The following SUPT6H variants were observed in gnomAD, a reference collection of about 807,000 sequenced individuals.
SUPT6H encodes transcription elongation factor SPT6.
SUPT6H carries 11 observed loss-of-function variants against 222.3 expected under a neutral mutation model. That is an observed-to-expected ratio of 0.05 (90% CI 0.03 to 0.08). SUPT6H has a LOEUF of 0.08. Ranked by LOEUF, SUPT6H falls within the 10% of genes least tolerant of loss-of-function variation. The probability of loss-of-function intolerance (pLI) is 1.00; values close to 1 mark genes in which losing one functional copy is unlikely to be tolerated. For synonymous variants in SUPT6H, 762 were observed against 801.2 expected (o/e 0.95, Z 0.83); for missense variants, 1,422 against 2,216.0 (o/e 0.64, Z 7.19).
At chr17:28,673,722 T>G in intron 2 of SUPT6H, 1 of 536,788 alleles carries the variant, frequency 1.9e-6, no homozygotes, top group South Asian at 2.4e-5. Context: ...ACAATAAATA[T>G]CCAGCTATTG....
rs898908177 is a variant in SUPT6H at position 28,686,787 on chromosome 17, G to A, written c.2698G>A (p.Glu900Lys). Reference protein sequence around the residue: ...AILYMNSKKSEAEFRDYPPVL... With the variant: ...AILYMNSKKSKAEFRDYPPVL... ...TCTCTATATGAACAGCAAGAAGTCAGAGGTAATGCTGGAGCCTCACCCTTA... is the reference window on the plus strand; with the variant it reads ...TCTCTATATGAACAGCAAGAAGTCAAAGGTAATGCTGGAGCCTCACCCTTA... Residue 900 changes from glutamate to lysine, a missense_variant and splice_region_variant, in exon 21 of 37, where the codon GAG (glutamate) becomes AAG (lysine). By Grantham distance (56) the Glu-to-Lys change is moderately conservative (BLOSUM62 1). Around this residue, in one of 13 missense-constraint regions of SUPT6H, gnomAD observed 294 missense variants for 382.1 expected, o/e 0.77. Coordinates refer to ENST00000314616, the MANE Select transcript of SUPT6H (RefSeq NM_003170.5). 2 of 1,598,924 alleles carry A rather than the reference G, an allele frequency of 1.3e-6. No individual in the cohort carries two copies. Among genetic ancestry groups the A allele is most frequent in the Admixed American group, 3.5e-5 (2 of 56,612 alleles).
chr17:28,698,152 TAGAAC>T, intron 32 of SUPT6H, 122 bp downstream of exon 32: 1 of 1,331,636 alleles, frequency 7.5e-7, no homozygotes, highest in Non-Finnish European at 1.0e-6. Flanking sequence ...CTCATCTGTT[TAGAAC>T]AGAGGTGGAG....
chr17:28,675,695 T>G (rs1357585679), intron 6 of SUPT6H, among the ~76,000 whole-genome samples: 1 of 152,220 alleles, frequency 6.6e-6, no homozygotes, highest in Non-Finnish European at 1.5e-5. Flanking sequence ...ACTGTGGGAT[T>G]GGAGTAGAGT....
intron 7 of SUPT6H, 96 bp from the exon 8 acceptor site, chr17:28,677,619 A>C: frequency 1.2e-6 from 1 of 825,122 alleles, no homozygotes; most frequent in Non-Finnish European, 2.0e-6. Context: ...GGAAATGTGC[A>C]CTTGATGATC....
At position 28,693,854 on chromosome 17, in the gene SUPT6H, C is replaced by T; in HGVS notation, c.3774+18C>T. ...GAGTGAAGGTAGAGGACTGATTGTC[C>T]TAAGGTCGTAGTGCAATTTTCAGCT... On this transcript the variant is annotated intron_variant, in intron 28 of 36. Coordinates refer to ENST00000314616, the MANE Select transcript of SUPT6H (RefSeq NM_003170.5). The T allele has an allele frequency of 1.9e-6, 3 of 1,614,044 alleles. No homozygotes were observed. Among genetic ancestry groups the T allele is most frequent in the Non-Finnish European group, 2.5e-6 (3 of 1,179,952 alleles).
rs1299005010 is a variant in SUPT6H at position 28,697,015 on chromosome 17, T to C, written c.4142T>C (p.Val1381Ala). The C allele has an allele frequency of 6.2e-7, 1 of 1,614,024 alleles. No individual in the cohort carries two copies. The change falls in exon 30 of 37, where the codon GTG (valine) becomes GCG (alanine). Residue 1381 changes from valine (V) to alanine (A), a missense_variant. This residue lies in a region of SUPT6H where 395 missense variants were observed against 580.6 expected (regional missense o/e 0.68). Transcript: ENST00000314616. ...GTCAGTGATGGCATCTACCAGCATG[T>C]GGATGTGCGGGAGGAGGGCAAGGAA... is the stretch of plus-strand genomic sequence containing the variant. ...WKVSDGIYQH[V>A]DVREEGKENA...
chr17:28,678,761 A>G, intron 10 of SUPT6H, 60 bp from the exon 11 acceptor site: 1 of 1,613,296 alleles, frequency 6.2e-7, no homozygotes, highest in Non-Finnish European at 8.5e-7. Context: ...TAAGGATCAG[A>G]GCAGCCTTGA....
chr17:28,677,812 T>G lies in SUPT6H; in HGVS notation c.995T>G (p.Leu332Arg), dbSNP rs2030850453. The G allele has an allele frequency of 6.2e-7, 1 of 1,613,620 alleles. No homozygotes were observed. Among genetic ancestry groups the G allele is most frequent in the Non-Finnish European group, 8.5e-7 (1 of 1,179,618 alleles). The change falls in exon 8 of 37, where the codon CTC becomes CGC. Residue 332 changes from leucine to arginine, a missense_variant. Around this residue, in one of 13 missense-constraint regions of SUPT6H, gnomAD observed 389 missense variants for 544.6 expected, o/e 0.71. Transcript: ENST00000314616. ...GCTTTTGCCACACCAACCATTTCTC[T>G]CCAGGTACACAAAAAAGATCCTTAG... ...RNAFATPTIS[L>R]QESCDYLDRG...
chr17:28,678,976 G>A lies in SUPT6H; in HGVS notation c.1349+13G>A, dbSNP rs1355032900. ...CTGACATGGAGAGGTAAAACATGCG[G>A]TGTTTATTCCATTATGGGAAGCCCT... On this transcript the variant is annotated intron_variant, in intron 11 of 36. Coordinates refer to ENST00000314616, the MANE Select transcript of SUPT6H (RefSeq NM_003170.5). 1 of 1,614,070 alleles carries A rather than the reference G, an allele frequency of 6.2e-7. No individual in the cohort carries two copies. Among genetic ancestry groups the A allele is most frequent in the East Asian group, 2.2e-5 (1 of 44,886 alleles).
At chr17:28,684,064 G>A (rs1045564314) in intron 17 of SUPT6H, among the ~76,000 whole-genome samples, 2 of 151,988 alleles carry the variant, frequency 1.3e-5, no homozygotes, top group African/African-American at 2.4e-5. Flanking sequence ...TGGTTTTACC[G>A]TGTTAGCCAG....
chr17:28,678,733 C>T lies in SUPT6H; in HGVS notation c.1207-88C>T, dbSNP rs190882652. The T allele has an allele frequency of 6.0e-4, 972 of 1,610,284 alleles. 9 individuals are homozygous for T. The Middle Eastern group carries it at 8.9e-3, about 15-fold the overall frequency. ...AAACCCCCCAGGCCTGTCTAGTCCT[C>T]CCCCACTAGGTTTCTGGTAAGGATC... On this transcript the variant is annotated intron_variant, in intron 10 of 36. Transcript: ENST00000314616.
intron 30 of SUPT6H, among the ~76,000 whole-genome samples, chr17:28,697,301 G>A (rs1357429227): frequency 6.6e-6 from 1 of 152,192 alleles, no homozygotes; most frequent in Non-Finnish European, 1.5e-5. Flanking sequence ...TACCTAGAGA[G>A]AGCCAATGGA....
In SUPT6H at chr17:28,700,489, G is replaced by A; in HGVS notation, c.4783G>A (p.Gly1595Arg). The part of the protein sequence containing the change: ...ASSQYGYGGS[G>R]GGSSAYHVFP... ...CAGCCAGTACGGCTATGGCGGCAGT[G>A]GAGGCGGCAGCAGTGCTTACCACGT... Residue 1595 changes from glycine (G) to arginine (R), a missense_variant, in exon 35 of 37, where the codon GGA becomes AGA. Gly to Arg is a moderately radical substitution (Grantham distance 125). Around this residue, in one of 13 missense-constraint regions of SUPT6H, gnomAD observed 395 missense variants for 580.6 expected, o/e 0.68. Transcript: ENST00000314616. 1 of 1,614,112 alleles carries A rather than the reference G, an allele frequency of 6.2e-7. No individual in the cohort carries two copies. Among genetic ancestry groups the A allele is most frequent in the South Asian group, 1.1e-5 (1 of 91,078 alleles).
chr17:28,701,164 G>T, intron 36 of SUPT6H, 36 bp downstream of exon 36: 1 of 1,574,562 alleles, frequency 6.4e-7, no homozygotes, highest in East Asian at 2.2e-5. Context: ...GCAGGTCAGT[G>T]GTAGGGGCAG....
At chr17:28,679,677 G>A (rs534655714) in intron 11 of SUPT6H, among the ~76,000 whole-genome samples, 1 of 151,916 alleles carries the variant, frequency 6.6e-6, no homozygotes, top group East Asian at 2.0e-4. Flanking sequence ...ACTGCGCCCG[G>A]CCGATCCTGT....
Position 28,682,944 on chromosome 17 carries a change from A to T in SUPT6H, c.1730A>T (p.Gln577Leu). 6.2e-7 allele frequency: 1 copy of T among 1,611,752 alleles called. No homozygotes were observed. Among genetic ancestry groups the T allele is most frequent in the Non-Finnish European group, 8.5e-7 (1 of 1,178,522 alleles). Residue 577 changes from glutamine to leucine, a missense_variant and splice_region_variant, in exon 15 of 37, where the codon CAG (glutamine) becomes CTG (leucine). By Grantham distance (113) the Gln-to-Leu change is moderately radical. Coordinates refer to ENST00000314616, the MANE Select transcript of SUPT6H (RefSeq NM_003170.5). ...TAGCTGCACCATTTTCCCCACAGCCAGTTCCCTACTCCAGAAGCTGTGCTA... is the reference window on the plus strand; with the variant it reads ...TAGCTGCACCATTTTCCCCACAGCCTGTTCCCTACTCCAGAAGCTGTGCTA... ...LELAKDYVCS[Q>L]FPTPEAVLEG... is the part of the protein sequence containing the mutation.
In SUPT6H at chr17:28,675,038, G is replaced by A. The variant is rs1329505118; in HGVS notation, c.414G>A (p.Glu138=). 6 of 1,614,018 alleles carry A rather than the reference G, an allele frequency of 3.7e-6. No individual in the cohort carries two copies. Among genetic ancestry groups the A allele is most frequent in the South Asian group, 1.1e-5 (1 of 91,084 alleles). Residue 138 remains glutamate, a synonymous_variant, in exon 5 of 37, where the codon GAG becomes GAA. Coordinates refer to ENST00000314616, the MANE Select transcript of SUPT6H (RefSeq NM_003170.5). ...ATGACGAGGAGGAATATGGCAAGGA[G>A]GAACATGAAAAAGAAGCTATTGCGG... ...EDDDEEEYGK[E]EHEKEAIAEE...
At position 28,702,520 on chromosome 17, in the gene SUPT6H, G is replaced by A. The variant is rs911184980; in HGVS notation, c.*895G>A. 3 of 152,390 alleles carry A rather than the reference G, an allele frequency of 2.0e-5. No individual in the cohort carries two copies. The highest frequency in any genetic ancestry group is 6.5e-5 in the Admixed American group (1 of 15,286). The allele number at this position is 152,390 out of a possible 1,614,324, so 9.4% of individuals were successfully genotyped here. A position where few individuals can be genotyped will look rare whatever the true frequency, so the allele number is the denominator to read the frequency against. ...CAGCTGCTGTGAGGACCAAGGCAGCGTGTGCAAGCTCCTTGGCCCAACGCC... is the reference window on the plus strand; with the variant it reads ...CAGCTGCTGTGAGGACCAAGGCAGCATGTGCAAGCTCCTTGGCCCAACGCC... On this transcript the variant is annotated 3_prime_UTR_variant, in exon 37 of 37. Transcript: ENST00000314616.
Position 28,682,643 on chromosome 17 carries a change from C to T in SUPT6H, c.1598-84C>T, listed in dbSNP as rs2031176550. 1.1e-5 allele frequency: 17 copies of T among 1,554,136 alleles called. No individual in the cohort carries two copies. In the South Asian group the frequency reaches 1.7e-4, roughly 15 times the overall value. ...CAGGAAAATAAAAAAGGCTAGTTCC[C>T]AGAATTCCAACTCCAGATTCTGAAA... is the stretch of plus-strand genomic sequence containing the variant. On this transcript the variant is annotated intron_variant, in intron 13 of 36. Transcript: ENST00000314616.
Sources: allele counts gnomAD v4.1 joint callset (sites outside exome capture counted in the v4.1 genomes callset), GRCh38; gene constraint gnomAD v4.1.1; regional missense constraint gnomAD v4.1.1; transcripts MANE v1.5; gene names NCBI Gene and HGNC (gene_info 2026-07-23, HGNC 2026-07-21).